Variants in PRIM2 observed in about 807,000 individuals in gnomAD.
PRIM2 encodes DNA primase subunit 2, also known as DNA primase large subunit.
A neutral mutation model predicts 67.3 loss-of-function variants in PRIM2; 39 were observed. The ratio of observed to expected loss-of-function variants is 0.58; its 90% CI spans 0.45 to 0.76. PRIM2 has a LOEUF of 0.76. Ranked by LOEUF, PRIM2 falls within the 30% of genes least tolerant of loss-of-function variation. The pLI, the probability that PRIM2 is intolerant of heterozygous loss-of-function variation, is 0.00. For missense variants in PRIM2, 398 were observed against 598.7 expected (o/e 0.66, Z 3.50); for synonymous variants, 143 against 198.7 (o/e 0.72, Z 2.36).
the PRIM2 span, among the ~76,000 whole-genome samples, chr6:57,301,250 G>T: frequency 6.6e-6 from 1 of 152,202 alleles, no homozygotes; most frequent in South Asian, 2.1e-4. Context: ...GACTTTGGGA[G>T]GTCACGGCGG....
At position 57,538,944 on chromosome 6, in the gene PRIM2, T is replaced by A. The variant is rs1476409421; in HGVS notation, c.1020+1319T>A. Among the ~76,000 whole-genome samples, 9 of 152,314 alleles carry A rather than the reference T, an allele frequency of 5.9e-5. No individual in the cohort carries two copies. In the East Asian group the frequency reaches 1.5e-3, roughly 26 times the overall value. ...GCCCTATCTCCAATTACAGTTGGAT[T>A]TGGAGTTAGGGGTTCAACAAATGAC... is the stretch of plus-strand genomic sequence containing the variant. On this transcript the variant is annotated intron_variant, in intron 10 of 13. Coordinates refer to ENST00000615550, the MANE Select transcript of PRIM2 (RefSeq NM_000947.5).
At chr6:57,615,902 C>T (rs1436901494) in intron 12 of PRIM2, among the ~76,000 whole-genome samples, 1 of 152,050 alleles carries the variant, frequency 6.6e-6, no homozygotes, top group Non-Finnish European at 1.5e-5. Flanking sequence ...CAAAAATTAA[C>T]AAACAATAAA....
intron 5 of PRIM2, among the ~76,000 whole-genome samples, chr6:57,340,536 A>G (rs949552215): frequency 2.0e-5 from 3 of 152,238 alleles, no homozygotes; most frequent in Non-Finnish European, 4.4e-5. Flanking sequence ...ATAAAAAATG[A>G]TGAGTTCATG....
At chr6:57,296,227 A>G in the PRIM2 span, among the ~76,000 whole-genome samples, 26 of 152,354 alleles carry the variant, frequency 1.7e-4, no homozygotes, top group East Asian at 4.8e-3. Context: ...ATAGAAATGC[A>G]CATGACTAAA....
intron 13 of PRIM2, among the ~76,000 whole-genome samples, chr6:57,642,641 C>T (rs1370878543): frequency 6.6e-6 from 1 of 151,636 alleles, no homozygotes; most frequent in Non-Finnish European, 1.5e-5. Flanking sequence ...CGGGGTTTCA[C>T]CGTGTTAGCC....
the PRIM2 span, among the ~76,000 whole-genome samples, chr6:57,308,216 A>G: frequency 2.0e-5 from 3 of 150,936 alleles, no homozygotes; most frequent in African/African-American, 7.3e-5. Context: ...GCAGCCTCCC[A>G]GCCTCAGGTG....
chr6:57,438,349 G>A (rs1479652607), intron 7 of PRIM2, among the ~76,000 whole-genome samples: 1 of 152,122 alleles, frequency 6.6e-6, no homozygotes, highest in African/African-American at 2.4e-5. Context: ...GAATCTGAGG[G>A]ACTGTTATGA....
At chr6:57,256,456 A>T in the PRIM2 span, among the ~76,000 whole-genome samples, 1 of 152,246 alleles carries the variant, frequency 6.6e-6, no homozygotes, top group Admixed American at 6.5e-5. Context: ...GGTGTCTTAG[A>T]CTTGATAAAA....
At chr6:57,461,906 G>A (rs1413681401) in intron 7 of PRIM2, among the ~76,000 whole-genome samples, 3 of 152,200 alleles carry the variant, frequency 2.0e-5, no homozygotes, top group Non-Finnish European at 4.4e-5. Context: ...TAAAAGCCCT[G>A]GCTCTGGGAC....
At chr6:57,290,595 G>A in the PRIM2 span, among the ~76,000 whole-genome samples, 5 of 152,142 alleles carry the variant, frequency 3.3e-5, no homozygotes, top group East Asian at 7.7e-4. Flanking sequence ...AATTGACCAC[G>A]TAATTGGAAG....
rs1418895890 is a variant in PRIM2, at chr6:57,575,038, C to G, written c.1021-26055C>G. 9.2e-5 allele frequency among the ~76,000 whole-genome samples: 14 copies of G among 152,262 alleles called. No individual in the cohort carries two copies. The East Asian group carries it at 2.7e-3, about 29-fold the overall frequency. ...TCAGAGAACCTCCAGCCAGACTGCT[C>G]TTCGTACCCTAGAGTCAGGTATACC... On this transcript the variant is annotated intron_variant, in intron 10 of 13. Coordinates refer to ENST00000615550, the MANE Select transcript of PRIM2 (RefSeq NM_000947.5).
chr6:57,575,116 A>C (rs1283548944), intron 10 of PRIM2, among the ~76,000 whole-genome samples: 6 of 152,240 alleles, frequency 3.9e-5, no homozygotes, highest in Non-Finnish European at 5.9e-5. Flanking sequence ...CCTCAAACAT[A>C]ACATGGCCCA....
chr6:57,427,921 G>A (rs1215310122), intron 7 of PRIM2, among the ~76,000 whole-genome samples: 1 of 151,992 alleles, frequency 6.6e-6, no homozygotes, highest in Non-Finnish European at 1.5e-5. Flanking sequence ...GCAACTTGGA[G>A]GATTAACTGC....
At chr6:57,246,720 A>G in the PRIM2 span, among the ~76,000 whole-genome samples, 1 of 152,174 alleles carries the variant, frequency 6.6e-6, no homozygotes, top group Non-Finnish European at 1.5e-5. Context: ...CCACCGTTGC[A>G]AGGAGAGCTG....
intron 5 of PRIM2, among the ~76,000 whole-genome samples, chr6:57,340,380 C>A (rs1336421147): frequency 2.0e-5 from 3 of 152,156 alleles, no homozygotes; most frequent in Non-Finnish European, 2.9e-5. Flanking sequence ...GACTATAAAT[C>A]ATGCTGCTAT....
chr6:57,466,289 C>T lies in PRIM2; in HGVS notation c.694-41098C>T, dbSNP rs1394767398. Among the ~76,000 whole-genome samples, 5 of 152,282 alleles carry T rather than the reference C, an allele frequency of 3.3e-5. No individual in the cohort carries two copies. The East Asian group carries it at 5.8e-4, about 18-fold the overall frequency. On this transcript the variant is annotated intron_variant, in intron 7 of 13. Transcript: ENST00000615550. ...CAGTGCTGCAATAAACATACATGTG[C>T]ATGTGTCTTTATAGTAGAATGATTT...
intron 10 of PRIM2, among the ~76,000 whole-genome samples, chr6:57,587,733 T>G (rs1446325719): frequency 2.0e-5 from 3 of 149,150 alleles, no homozygotes; most frequent in Admixed American, 1.3e-4. Flanking sequence ...TATTGCATGT[T>G]GGAAGAGATA....
chr6:57,449,427 A>C (rs1772466610), intron 7 of PRIM2, among the ~76,000 whole-genome samples: 1 of 152,096 alleles, frequency 6.6e-6, no homozygotes. Context: ...AAAATGGCAA[A>C]ATGTGTCAGG....
intron 8 of PRIM2, among the ~76,000 whole-genome samples, chr6:57,513,226 T>C (rs1774406489): frequency 6.6e-6 from 1 of 150,972 alleles, no homozygotes; most frequent in Admixed American, 6.6e-5. Context: ...ACTGATTTGG[T>C]AGTTTGGAGA....
Sources: gnomAD v4.1 joint callset for allele counts (sites outside exome capture counted in the v4.1 genomes callset) on GRCh38, gnomAD v4.1.1 for gene constraint, MANE v1.5 for transcripts, NCBI Gene and HGNC (gene_info 2026-07-23, HGNC 2026-07-21) for gene names.